The following SRPK2 variants were observed in gnomAD, a reference collection of about 807,000 sequenced individuals.
SRPK2 encodes the protein SRSF protein kinase 2.
In SRPK2, 21 loss-of-function variants were observed where a neutral mutation model predicts 90.8. The ratio of observed to expected loss-of-function variants is 0.23; its 90% CI spans 0.16 to 0.33. The LOEUF is 0.33. Ranked by LOEUF, SRPK2 falls within the 10% of genes least tolerant of loss-of-function variation. The pLI, the probability that SRPK2 is intolerant of heterozygous loss-of-function variation, is 1.00. For synonymous variants in SRPK2, 288 were observed against 311.1 expected (o/e 0.93, Z 0.78); for missense variants, 620 against 869.0 (o/e 0.71, Z 3.60).
intron 7 of SRPK2, among the ~76,000 whole-genome samples, chr7:105,149,106 G>C (rs1381099666): frequency 6.6e-6 from 1 of 152,176 alleles, no homozygotes; most frequent in Non-Finnish European, 1.5e-5. Context: ...TGCTGAGATG[G>C]ATTAGTAAAA....
chr7:105,124,507 G>A (rs1046950052), intron 15 of SRPK2, among the ~76,000 whole-genome samples: 4 of 151,916 alleles, frequency 2.6e-5, no homozygotes, highest in African/African-American at 7.3e-5. Flanking sequence ...CGGGCGTGGT[G>A]GCAGGTGCCT....
intron 2 of SRPK2, among the ~76,000 whole-genome samples, chr7:105,294,257 T>C (rs2131100645): frequency 6.6e-6 from 1 of 152,326 alleles, no homozygotes; most frequent in South Asian, 2.1e-4. Context: ...CCTCTGCAAA[T>C]TTCTCTTCGA....
chr7:105,272,520 T>G (rs1449186888), intron 2 of SRPK2, among the ~76,000 whole-genome samples: 7 of 152,200 alleles, frequency 4.6e-5, no homozygotes, highest in Non-Finnish European at 1.0e-4. Flanking sequence ...TTTTTTTTAA[T>G]GCTTTTACAT....
intron 3 of SRPK2, among the ~76,000 whole-genome samples, chr7:105,179,552 T>G (rs929154028): frequency 1.4e-4 from 22 of 152,068 alleles, no homozygotes; most frequent in African/African-American, 5.3e-4. Flanking sequence ...AGACCAGGGA[T>G]GGTGGCTAAT....
chr7:105,156,811 T>C (rs1057225030), intron 7 of SRPK2, among the ~76,000 whole-genome samples: 2 of 152,192 alleles, frequency 1.3e-5, no homozygotes, highest in African/African-American at 2.4e-5. Flanking sequence ...GCTGGTATCA[T>C]TATTTTCCCC....
chr7:105,134,399 T>A (rs1473981629), intron 11 of SRPK2, among the ~76,000 whole-genome samples: 1 of 152,216 alleles, frequency 6.6e-6, no homozygotes, highest in African/African-American at 2.4e-5. Flanking sequence ...TCTACCATAT[T>A]TGAAAGTTTC....
intron 3 of SRPK2, among the ~76,000 whole-genome samples, chr7:105,174,104 T>C (rs1010553105): frequency 1.3e-5 from 2 of 150,684 alleles, no homozygotes; most frequent in East Asian, 1.9e-4. Flanking sequence ...AAAACTCTTA[T>C]CGGATTACAA....
At chr7:105,252,106 G>C (rs1802557817) in intron 2 of SRPK2, among the ~76,000 whole-genome samples, 1 of 152,182 alleles carries the variant, frequency 6.6e-6, no homozygotes, top group African/African-American at 2.4e-5. Flanking sequence ...TATGATGGCA[G>C]ATAACTGAAT....
chr7:105,397,558 C>T (rs958453602), intron 1 of SRPK2, among the ~76,000 whole-genome samples: 2 of 150,924 alleles, frequency 1.3e-5, no homozygotes, highest in Non-Finnish European at 3.0e-5. Context: ...TCGAACTCCT[C>T]ACCTTGTTAT....
chr7:105,256,796 C>T (rs1413509143), intron 2 of SRPK2, among the ~76,000 whole-genome samples: 1 of 152,222 alleles, frequency 6.6e-6, no homozygotes, highest in Non-Finnish European at 1.5e-5. Context: ...GCACCCACAT[C>T]TAGATGGTGT....
intron 2 of SRPK2, among the ~76,000 whole-genome samples, chr7:105,207,334 C>T (rs1465303784): frequency 6.6e-6 from 1 of 152,220 alleles, no homozygotes; most frequent in Non-Finnish European, 1.5e-5. Flanking sequence ...TTTCTGATGG[C>T]TTCTAGAGTA....
At chr7:105,383,053 A>ATTTTTTTTTTTTTTTT (rs1161926443) in intron 2 of SRPK2, among the ~76,000 whole-genome samples, 1 of 101,666 alleles carries the variant, frequency 9.8e-6, no homozygotes, top group African/African-American at 3.6e-5. Flanking sequence ...AAAAGTAAAA[A>ATTTTTTTTTTTTTTTT]TTTTTTTTTT....
rs1312745588 is a variant in SRPK2 at position 105,193,131 on chromosome 7, G to A, written c.229+10497C>T. Among the ~76,000 whole-genome samples, 3 of 152,140 alleles carry A rather than the reference G, an allele frequency of 2.0e-5. No homozygotes were observed. In the East Asian group the frequency reaches 5.8e-4, roughly 29 times the overall value. ...TCCTTGCCTAAGCCAATGTCTAGAA[G>A]GATTTTTCCGATGTTACCTTCTAAT... On this transcript the variant is annotated intron_variant, in intron 3 of 15. Coordinates refer to ENST00000393651, the MANE Select transcript of SRPK2 (RefSeq NM_182692.3).
At chr7:105,392,883 G>A (rs544106285), upstream of SRPK2, among the ~76,000 whole-genome samples, 5 of 151,188 alleles carry the variant, frequency 3.3e-5, no homozygotes, top group South Asian at 4.2e-4. Context: ...TGTGATCTCC[G>A]CTCATTGCAA....
rs146722753 is a variant in SRPK2, at chr7:105,349,691, A to G, written c.71+38957T>C. On this transcript the variant is annotated intron_variant, in intron 2 of 15. Transcript: ENST00000393651. ...CAAAAAACCAGAGATAACTGAACAGACACAGCAGGAAGAAAAGAGTAAATA... is the reference window on the plus strand; with the variant it reads ...CAAAAAACCAGAGATAACTGAACAGGCACAGCAGGAAGAAAAGAGTAAATA... Among the ~76,000 whole-genome samples, 67 of 152,322 alleles carry G rather than the reference A, an allele frequency of 4.4e-4. 2 individuals are homozygous for G. The East Asian group carries it at 7.9e-3, about 18-fold the overall frequency.
intron 2 of SRPK2, among the ~76,000 whole-genome samples, chr7:105,368,322 G>A (rs1448400917): frequency 4.6e-5 from 7 of 152,070 alleles, no homozygotes; most frequent in Admixed American, 6.6e-5. Flanking sequence ...TGATAAAACC[G>A]TGCAGGTCCA....
intron 6 of SRPK2, among the ~76,000 whole-genome samples, chr7:105,166,359 C>CCAA (rs1790064803): frequency 2.0e-5 from 3 of 152,148 alleles, no homozygotes; most frequent in South Asian, 4.1e-4. Context: ...GTCTCCAATA[C>CCAA]CAACGATATC....
At position 105,341,374 on chromosome 7, in the gene SRPK2, AAAAAAAAG is replaced by A. The variant is rs1367364940; in HGVS notation, c.71+47266_71+47273del. On this transcript the variant is annotated intron_variant, in intron 2 of 15. Coordinates refer to ENST00000393651, the MANE Select transcript of SRPK2 (RefSeq NM_182692.3). ...CTCCGTCTCAAAAAAAAAAAAAAAA[AAAAAAAAG>A]GGGGAATGTGGCAGGACGCATACCT... Among the ~76,000 whole-genome samples the A allele has an allele frequency of 2.0e-3, 100 of 51,018 alleles. 1 individual carries two copies. The highest frequency in any genetic ancestry group is 0.013 in the East Asian group (57 of 4,370). 33.5% of individuals were successfully genotyped at this position (51,018 alleles called of 152,430 possible).
chr7:105,397,790 C>T (rs1179505466), intron 1 of SRPK2, among the ~76,000 whole-genome samples: 3 of 151,924 alleles, frequency 2.0e-5, no homozygotes, highest in Non-Finnish European at 4.4e-5. Context: ...ATTACAGGCA[C>T]CTAGCACCAT....
Sources: allele counts gnomAD v4.1 joint callset (sites outside exome capture counted in the v4.1 genomes callset), GRCh38; gene constraint gnomAD v4.1.1; transcripts MANE v1.5; gene names NCBI Gene and HGNC (gene_info 2026-07-23, HGNC 2026-07-21).